The following BCAS1 variants were observed in gnomAD, a reference collection of about 807,000 sequenced individuals.
The protein encoded by BCAS1 is breast carcinoma-amplified sequence 1.
BCAS1 carries 46 observed loss-of-function variants against 65.4 expected under a neutral mutation model. The observed-to-expected ratio is 0.70, with a 90% CI of 0.55 to 0.90. The LOEUF is 0.90. BCAS1 is among the 40% of genes least tolerant of loss of function. The probability of loss-of-function intolerance (pLI) is 0.00; values close to 1 mark genes in which losing one functional copy is unlikely to be tolerated. For synonymous variants in BCAS1, 298 were observed against 293.5 expected (o/e 1.02, Z -0.16); for missense variants, 793 against 771.2 (o/e 1.03, Z -0.33).
At chr20:54,023,629 G>A (rs150784683) in intron 4 of BCAS1, among the ~76,000 whole-genome samples, 53 of 152,302 alleles carry the variant, frequency 3.5e-4, no homozygotes, top group African/African-American at 1.2e-3. Context: ...GACAGATGGC[G>A]TTTGCACAGG....
rs11469328 is a variant in BCAS1, at chr20:54,022,285, T to TTG, written c.723+6105_723+6106dup. 5.7e-3 allele frequency among the ~76,000 whole-genome samples: 858 copies of TTG among 150,662 alleles called. 8 individuals carry two copies. Among genetic ancestry groups the TTG allele is most frequent in the East Asian group, 0.031 (156 of 5,076 alleles). ...TAAGTGAACCACTATTAATTGATTG[T>TTG]TGTGTGTGTGTGTGTGTGTGTTTCC... On this transcript the variant is annotated intron_variant, in intron 4 of 12. Coordinates refer to ENST00000688948, the MANE Select transcript of BCAS1 (RefSeq NM_001366298.2).
Position 54,029,065 on chromosome 20 carries a change from T to C in BCAS1, c.143-93A>G. ...CCAGACATTTTTTATACAAAAGCCA[T>C]ACTGCATACTGGAACTGTGTTGTTC... is the stretch of plus-strand genomic sequence containing the variant. On this transcript the variant is annotated intron_variant, in intron 3 of 12. Coordinates refer to ENST00000688948, the MANE Select transcript of BCAS1 (RefSeq NM_001366298.2). 22 of 1,471,054 alleles carry C rather than the reference T, an allele frequency of 1.5e-5. No individual in the cohort carries two copies. In the South Asian group the frequency reaches 3.1e-4, roughly 21 times the overall value. 91.1% of individuals were successfully genotyped at this position (1,471,054 alleles called of 1,614,324 possible).
intron 4 of BCAS1, among the ~76,000 whole-genome samples, chr20:54,021,699 G>A (rs550048564): frequency 6.6e-6 from 1 of 152,122 alleles, no homozygotes; most frequent in African/African-American, 2.4e-5. Flanking sequence ...ATGGACACAG[G>A]AAGGGGAACA....
chr20:53,979,119 A>G (rs2090412047), intron 8 of BCAS1, among the ~76,000 whole-genome samples: 1 of 152,102 alleles, frequency 6.6e-6, no homozygotes, highest in African/African-American at 2.4e-5. Context: ...GAGATCCTGG[A>G]AGGTATGTTT....
chr20:53,950,240 G>A (rs749888026), intron 12 of BCAS1, among the ~76,000 whole-genome samples: 1 of 151,920 alleles, frequency 6.6e-6, no homozygotes, highest in Non-Finnish European at 1.5e-5. Context: ...AGCAACCACG[G>A]CCTTGTTTCT....
chr20:54,040,932 C>T, intron 3 of BCAS1, among the ~76,000 whole-genome samples: 1 of 151,122 alleles, frequency 6.6e-6, no homozygotes, highest in Non-Finnish European at 1.5e-5. Flanking sequence ...GGAAACAACC[C>T]AAATATCCAT....
At chr20:54,069,502 C>A (rs578181858) in intron 1 of BCAS1, among the ~76,000 whole-genome samples, 148 of 152,310 alleles carry the variant, frequency 9.7e-4, no homozygotes, top group Admixed American at 1.3e-3. Context: ...ACTGGCTGCA[C>A]CCTCATCCCA....
At chr20:54,000,777 T>C (rs1404621300) in intron 4 of BCAS1, among the ~76,000 whole-genome samples, 1 of 152,228 alleles carries the variant, frequency 6.6e-6, no homozygotes, top group Non-Finnish European at 1.5e-5. Context: ...GTTAATGTCA[T>C]CCAGTGTATT....
intron 4 of BCAS1, among the ~76,000 whole-genome samples, chr20:54,026,054 C>A (rs2091666350): frequency 6.6e-6 from 1 of 152,088 alleles, no homozygotes; most frequent in Non-Finnish European, 1.5e-5. Context: ...CTCAGTATTT[C>A]AAATTTCAAT....
At chr20:54,063,249 G>A (rs539886614) in intron 1 of BCAS1, among the ~76,000 whole-genome samples, 19 of 152,296 alleles carry the variant, frequency 1.2e-4, no homozygotes, top group African/African-American at 4.6e-4. Context: ...ACTGAGCCTC[G>A]CTGGGCCTCA....
chr20:54,053,654 T>C (rs1454255613), intron 3 of BCAS1, among the ~76,000 whole-genome samples: 1 of 152,266 alleles, frequency 6.6e-6, no homozygotes, highest in Non-Finnish European at 1.5e-5. Flanking sequence ...TGCCAGACAC[T>C]GTTCTGAGAG....
chr20:53,961,579 C>T (rs2089878999), intron 10 of BCAS1, among the ~76,000 whole-genome samples: 1 of 152,198 alleles, frequency 6.6e-6, no homozygotes, highest in South Asian at 2.1e-4. Context: ...TCTCCTTTCC[C>T]TTATTGTCAT....
At chr20:54,061,910 C>T (rs1469843692) in intron 1 of BCAS1, among the ~76,000 whole-genome samples, 1 of 152,288 alleles carries the variant, frequency 6.6e-6, no homozygotes. Context: ...ATTCAGCTCA[C>T]TGCCTGTTTT....
chr20:53,992,438 G>A (rs1382419835), intron 7 of BCAS1, 74 bp downstream of exon 7: 1 of 1,256,640 alleles, frequency 8.0e-7, no homozygotes, highest in Non-Finnish European at 1.1e-6. Flanking sequence ...GAGGAGCTGG[G>A]TGGGCTCAGG....
intron 3 of BCAS1, among the ~76,000 whole-genome samples, chr20:54,044,837 C>A (rs1381219156): frequency 1.2e-3 from 159 of 132,702 alleles, no homozygotes; most frequent in African/African-American, 1.7e-3. Flanking sequence ...GACTCTGTCT[C>A]AAAAAAAAAA....
chr20:53,953,443 A>G lies in BCAS1; in HGVS notation c.1804T>C (p.Phe602Leu), dbSNP rs368490695. 1 of 1,613,890 alleles carries G rather than the reference A, an allele frequency of 6.2e-7. No homozygotes were observed. Among genetic ancestry groups the G allele is most frequent in the African/African-American group, 1.3e-5 (1 of 74,894 alleles). The change falls in exon 12 of 13, where the codon TTT (phenylalanine) becomes CTT (leucine). Residue 602 changes from phenylalanine (F) to leucine (L), a missense_variant. Phe to Leu is a conservative substitution (Grantham distance 22). Transcript: ENST00000688948. ...EKRQQSLGGF[F>L]KGLGPKRMLD... ...AAAAATCCACCTACCAGGCCTTTAA[A>G]GAAGCCCCCAAGGGACTGCTGCCGC...
chr20:54,028,598 G>A lies in BCAS1; in HGVS notation c.517C>T (p.Leu173Phe). 6.2e-7 allele frequency: 1 copy of A among 1,614,188 alleles called. No homozygotes were observed. The highest frequency in any genetic ancestry group is 1.1e-5 in the South Asian group (1 of 91,074). ...VLSAARDPTL[L>F]PPETGGAGGE... is the part of the protein sequence containing the mutation. ...CCTGCTCCCCCTGTCTCAGGTGGGA[G>A]AAGCGTGGGATCCCTGGCGGCAGAG... is the stretch of plus-strand genomic sequence containing the variant. Residue 173 changes from leucine (L) to phenylalanine (F), a missense_variant, in exon 4 of 13, where the codon CTC becomes TTC. Physicochemically the swap from Leu to Phe is conservative, Grantham distance 22. Coordinates refer to ENST00000688948, the MANE Select transcript of BCAS1 (RefSeq NM_001366298.2).
rs528639887 is a variant in BCAS1 at position 53,956,263 on chromosome 20, G to T, written c.1551+1169C>A. On this transcript the variant is annotated intron_variant, in intron 11 of 12. Transcript: ENST00000688948. ...TAGGATTAGTGTCCTTATAAGAAGAGACATTGGCAAGCTTATTCTCTTTCT... is the reference window on the plus strand; with the variant it reads ...TAGGATTAGTGTCCTTATAAGAAGATACATTGGCAAGCTTATTCTCTTTCT... 3.3e-5 allele frequency among the ~76,000 whole-genome samples: 5 copies of T among 151,790 alleles called. No homozygotes were observed. The East Asian group carries it at 9.7e-4, about 29-fold the overall frequency.
intron 4 of BCAS1, among the ~76,000 whole-genome samples, chr20:53,998,477 A>G (rs1390619355): frequency 6.6e-6 from 1 of 152,204 alleles, no homozygotes; most frequent in African/African-American, 2.4e-5. Flanking sequence ...TCAGAGCAGG[A>G]GCAAGAGAGA....
Sources: allele counts gnomAD v4.1 joint callset (sites outside exome capture counted in the v4.1 genomes callset), GRCh38; gene constraint gnomAD v4.1.1; transcripts MANE v1.5; gene names NCBI Gene and HGNC (gene_info 2026-07-23, HGNC 2026-07-21).